The following GRIP1 variants were observed in gnomAD, a reference collection of about 807,000 sequenced individuals.
GRIP1 encodes the protein glutamate receptor interacting protein 1.
GRIP1 carries 45 observed loss-of-function variants against 129.9 expected under a neutral mutation model. That is an observed-to-expected ratio of 0.35 (90% CI 0.27 to 0.44). GRIP1 has a LOEUF of 0.44. Ranked by LOEUF, GRIP1 falls within the 20% of genes least tolerant of loss-of-function variation. The probability of loss-of-function intolerance (pLI) is 1.00; values close to 1 mark genes in which losing one functional copy is unlikely to be tolerated. For missense variants in GRIP1, 1,196 were observed against 1,396.8 expected (o/e 0.86, Z 2.29); for synonymous variants, 530 against 520.8 (o/e 1.02, Z -0.24).
intron 22 of GRIP1, chr12:66,372,179 C>G (rs1458417869): frequency 1.7e-6 from 1 of 572,134 alleles, no homozygotes; most frequent in Non-Finnish European, 3.1e-6. Flanking sequence ...TCAAATACCA[C>G]CCCTGGCAGT....
At chr12:66,711,475 C>T (rs143889611) in intron 1 of GRIP1, among the ~76,000 whole-genome samples, 1,605 of 151,828 alleles carry the variant, frequency 0.011, 17 homozygotes, top group Non-Finnish European at 0.015. Context: ...GTTTTGACAT[C>T]AAGAAAGTTA....
chr12:66,493,387 C>T (rs116634875), intron 7 of GRIP1, among the ~76,000 whole-genome samples: 470 of 152,288 alleles, frequency 3.1e-3, no homozygotes, highest in African/African-American at 0.011. Flanking sequence ...ATCACCATGT[C>T]CATGGAACTG....
At chr12:66,533,529 C>T (rs2061514665) in intron 4 of GRIP1, among the ~76,000 whole-genome samples, 1 of 152,174 alleles carries the variant, frequency 6.6e-6, no homozygotes, top group South Asian at 2.1e-4. Flanking sequence ...CCTGTAATCC[C>T]AGCTACTCAG....
At chr12:67,069,072 C>A in exon 1 of GRIP1, 1 of 984,468 alleles carries the variant, frequency 1.0e-6, no homozygotes, top group Non-Finnish European at 1.2e-6. Context: ...CCTCTGCCTG[C>A]AAGCAGATAG....
intron 1 of GRIP1, among the ~76,000 whole-genome samples, chr12:66,676,148 C>T (rs1385013444): frequency 1.3e-5 from 2 of 152,112 alleles, no homozygotes; most frequent in African/African-American, 2.4e-5. Context: ...ATGCTTTTTA[C>T]ACCTATAAAT....
chr12:66,776,650 T>G (rs924259745), intron 1 of GRIP1, among the ~76,000 whole-genome samples: 12 of 152,320 alleles, frequency 7.9e-5, no homozygotes, highest in African/African-American at 2.9e-4. Context: ...CGCTGTAAAG[T>G]GCAAATCCAT....
intron 2 of GRIP1, among the ~76,000 whole-genome samples, chr12:66,574,991 C>T (rs55921723): frequency 0.24 from 37,055 of 151,616 alleles, 4,647 homozygotes; most frequent in Admixed American, 0.28. Flanking sequence ...AGGATCATCC[C>T]GAACTTCTGA....
chr12:66,357,861 A>G (rs1038633734), intron 23 of GRIP1, among the ~76,000 whole-genome samples: 2 of 152,212 alleles, frequency 1.3e-5, no homozygotes, highest in African/African-American at 2.4e-5. Flanking sequence ...GATGGGATCA[A>G]TATGAACCTA....
At chr12:66,532,440 G>A (rs1263380860) in intron 4 of GRIP1, among the ~76,000 whole-genome samples, 2 of 152,120 alleles carry the variant, frequency 1.3e-5, no homozygotes, top group Non-Finnish European at 2.9e-5. Context: ...GGATATTCAT[G>A]TACTTCTACA....
At chr12:66,939,455 G>T (rs2041547717) in intron 1 of GRIP1, among the ~76,000 whole-genome samples, 1 of 152,160 alleles carries the variant, frequency 6.6e-6, no homozygotes, top group African/African-American at 2.4e-5. Context: ...TCTCAAAGTA[G>T]CAGGAGAGGT....
At chr12:66,617,718 T>C (rs1020185706) in intron 1 of GRIP1, among the ~76,000 whole-genome samples, 2 of 151,632 alleles carry the variant, frequency 1.3e-5, no homozygotes, top group Non-Finnish European at 2.9e-5. Flanking sequence ...AATGGGCTTA[T>C]GTTATTAACA....
intron 19 of GRIP1, among the ~76,000 whole-genome samples, chr12:66,390,026 T>G (rs1314915227): frequency 6.6e-6 from 1 of 152,194 alleles, no homozygotes; most frequent in Non-Finnish European, 1.5e-5. Context: ...CTTGAGGGTA[T>G]AGCCGGGACT....
chr12:66,553,735 T>G (rs2062221826), intron 2 of GRIP1, among the ~76,000 whole-genome samples: 1 of 151,550 alleles, frequency 6.6e-6, no homozygotes, highest in African/African-American at 2.4e-5. Context: ...CACGAAGAAT[T>G]TATGAGCTTG....
intron 1 of GRIP1, among the ~76,000 whole-genome samples, chr12:66,870,972 C>A (rs928208696): frequency 2.0e-5 from 3 of 152,064 alleles, no homozygotes; most frequent in Non-Finnish European, 4.4e-5. Flanking sequence ...GCACTCAAAG[C>A]CTAATTTTTA....
At chr12:66,942,710 T>C (rs2041606757) in intron 1 of GRIP1, among the ~76,000 whole-genome samples, 1 of 152,166 alleles carries the variant, frequency 6.6e-6, no homozygotes, top group Non-Finnish European at 1.5e-5. Context: ...GGGGGCAGTG[T>C]AATGGACTGC....
intron 1 of GRIP1, among the ~76,000 whole-genome samples, chr12:66,896,906 AG>A (rs1389597788): frequency 6.6e-6 from 1 of 152,224 alleles, no homozygotes; most frequent in Non-Finnish European, 1.5e-5. Flanking sequence ...GAATGTGTCA[AG>A]GCATTTTCCA....
intron 1 of GRIP1, among the ~76,000 whole-genome samples, chr12:66,951,679 C>T (rs2041760230): frequency 6.6e-6 from 1 of 152,126 alleles, no homozygotes; most frequent in South Asian, 2.1e-4. Context: ...AACAGCAATC[C>T]TCGTTGTAGT....
At chr12:66,630,892 C>T (rs1311473148) in intron 1 of GRIP1, among the ~76,000 whole-genome samples, 1 of 151,954 alleles carries the variant, frequency 6.6e-6, no homozygotes, top group African/African-American at 2.4e-5. Flanking sequence ...CGTTTGTTGG[C>T]TATATTTATT....
Position 66,444,639 on chromosome 12 carries a change from G to A in GRIP1, c.1632C>T (p.Leu544=). 1.2e-6 allele frequency: 2 copies of A among 1,613,986 alleles called. No homozygotes were observed. The highest frequency in any genetic ancestry group is 1.7e-6 in the Non-Finnish European group (2 of 1,179,934). The change falls in exon 13 of 25, where the codon CTC becomes CTT. Residue 544 remains leucine (L), a synonymous_variant. Coordinates refer to ENST00000359742, the MANE Select transcript of GRIP1 (RefSeq NM_001366722.1). ...DSTFEEASQL[L]RDSSITSKVT... is the part of the protein sequence containing the mutation. Reference sequence around the variant, plus strand: ...CCTTGCTCGTGATTGAAGAGTCTCGGAGGAGCTGACTGGCTTCTTCGAAGG... The same window carrying A: ...CCTTGCTCGTGATTGAAGAGTCTCGAAGGAGCTGACTGGCTTCTTCGAAGG...
Sources: gnomAD v4.1 joint callset for allele counts (sites outside exome capture counted in the v4.1 genomes callset) on GRCh38, gnomAD v4.1.1 for gene constraint, MANE v1.5 for transcripts, NCBI Gene and HGNC (gene_info 2026-07-23, HGNC 2026-07-21) for gene names.